Variants in ADGRV1 observed in about 807,000 individuals in gnomAD.
The protein encoded by ADGRV1 is G-protein coupled receptor 98.
In ADGRV1, 359 loss-of-function variants were observed where a neutral mutation model predicts 596.2. The observed-to-expected ratio is 0.60, with a 90% CI of 0.55 to 0.66. The LOEUF is 0.66. Ranked by LOEUF, ADGRV1 falls within the 30% of genes least tolerant of loss-of-function variation. ADGRV1 has a pLI of 0.00. For synonymous variants in ADGRV1, 2,681 were observed against 2,679.2 expected, an observed-to-expected ratio of 1.00 and a Z score of -0.02; for missense variants, 7,274 against 7,575.6, an observed-to-expected ratio of 0.96 and a Z score of 1.48.
At chr5:90,782,627 A>T (rs190109655) in intron 65 of ADGRV1, among the ~76,000 whole-genome samples, 177 of 152,296 alleles carry the variant, frequency 1.2e-3, no homozygotes, top group Non-Finnish European at 1.1e-3. Flanking sequence ...AGTAGATTTC[A>T]TAGGAACTGA....
intron 44 of ADGRV1, 21 bp from the exon 45 acceptor site, chr5:90,720,914 C>G (rs766874498): frequency 1.3e-5 from 20 of 1,591,046 alleles, no homozygotes; most frequent in Non-Finnish European, 1.7e-5. Context: ...CTGCTTCCCT[C>G]AATCCATGTA....
At chr5:90,706,594 C>T (rs1387551603) in intron 38 of ADGRV1, among the ~76,000 whole-genome samples, 200 bp downstream of exon 38, 1 of 151,884 alleles carries the variant, frequency 6.6e-6, no homozygotes, top group Non-Finnish European at 1.5e-5. Flanking sequence ...GAAGTAACTA[C>T]ATAGAAGGTA....
intron 84 of ADGRV1, among the ~76,000 whole-genome samples, chr5:90,969,992 G>A (rs12659201): frequency 0.49 from 74,344 of 151,808 alleles, 19,513 homozygotes; most frequent in East Asian, 0.68. Flanking sequence ...AAGGGGTGAC[G>A]GACAGTACCT....
intron 79 of ADGRV1, among the ~76,000 whole-genome samples, chr5:90,851,140 A>AT (rs1766472390): frequency 1.3e-5 from 1 of 79,776 alleles, no homozygotes; most frequent in African/African-American, 4.4e-5. Flanking sequence ...TGTGTGAGAG[A>AT]GAGAGAGAGA....
intron 17 of ADGRV1, among the ~76,000 whole-genome samples, chr5:90,650,088 C>T (rs923343941): frequency 2.6e-5 from 4 of 152,136 alleles, no homozygotes; most frequent in Non-Finnish European, 5.9e-5. Flanking sequence ...TCCTCCTTTT[C>T]GATGTCAAAA....
At chr5:90,722,211 T>G (rs1178364892) in intron 45 of ADGRV1, among the ~76,000 whole-genome samples, 1 of 151,816 alleles carries the variant, frequency 6.6e-6, no homozygotes, top group East Asian at 1.9e-4. Flanking sequence ...AGGTGTTGAG[T>G]ATGAAGGTGA....
chr5:90,928,065 T>A (rs1282586149), intron 83 of ADGRV1, among the ~76,000 whole-genome samples: 1 of 152,204 alleles, frequency 6.6e-6, no homozygotes, highest in Non-Finnish European at 1.5e-5. Context: ...GCCCTTAACA[T>A]TTTTTCCTTC....
chr5:90,780,338 A>G (rs1048450369), intron 64 of ADGRV1, among the ~76,000 whole-genome samples: 12 of 152,198 alleles, frequency 7.9e-5, no homozygotes, highest in African/African-American at 2.9e-4. Context: ...AGTTACTCTT[A>G]TCATTTAATA....
intron 1 of ADGRV1, among the ~76,000 whole-genome samples, chr5:90,593,574 A>C (rs1047798395): frequency 6.6e-6 from 1 of 152,058 alleles, no homozygotes; most frequent in African/African-American, 2.4e-5. Context: ...CATTGTGCAC[A>C]TGTACCCTAG....
chr5:90,821,087 G>A (rs375799025), intron 75 of ADGRV1, among the ~76,000 whole-genome samples: 1,589 of 151,982 alleles, frequency 0.01, 31 homozygotes, highest in African/African-American at 0.036. Context: ...TCACATAGTC[G>A]CATATTTCTT....
At chr5:90,598,171 A>G (rs551222898) in intron 1 of ADGRV1, among the ~76,000 whole-genome samples, 1 of 152,268 alleles carries the variant, frequency 6.6e-6, no homozygotes, top group South Asian at 2.1e-4. Context: ...AAATGCCTTG[A>G]TTTTCGTCAT....
rs551314401 is a variant in ADGRV1, at chr5:90,718,362, G to A, written c.9447+1633G>A. ...TTATATTTTATTGTATGTATATACC[G>A]TAATTTTTAAATCCAGCTATCTGTT... is the stretch of plus-strand genomic sequence containing the variant. On this transcript the variant is annotated intron_variant, in intron 43 of 89. Transcript: ENST00000405460. 11 of 152,194 alleles carry A rather than the reference G, an allele frequency of 7.2e-5. No homozygotes were observed. In the South Asian group the frequency reaches 1.4e-3, roughly 20 times the overall value. The allele number at this position is 152,194 out of a possible 1,614,324, so 9.4% of individuals were successfully genotyped here. A position where few individuals can be genotyped will look rare whatever the true frequency, so the allele number is the denominator to read the frequency against.
intron 82 of ADGRV1, among the ~76,000 whole-genome samples, chr5:90,859,159 C>T (rs377355836): frequency 7.2e-5 from 11 of 152,014 alleles, no homozygotes; most frequent in Admixed American, 4.6e-4. Context: ...GGCAAGTGGG[C>T]GCAGGAGTTC....
intron 85 of ADGRV1, among the ~76,000 whole-genome samples, chr5:91,018,501 TTGCTTTGGGTTCTTAGG>T (rs1367218172): frequency 6.6e-6 from 1 of 151,952 alleles, no homozygotes; most frequent in Non-Finnish European, 1.5e-5. Flanking sequence ...CAAGTAGTGT[TTGCTTTGGGTTCTTAGG>T]TGTGAAAGGC....
In ADGRV1 at chr5:91,150,206, C is replaced by T. The variant is rs537128877; in HGVS notation, c.18609C>T (p.Ile6203=). The stretch of plus-strand genomic sequence containing the variant: ...TCAGCAAGTCCACCCAGAATCTCAT[C>T]GGTGCTATGGAGGAGGTGTCTGCCC... ...GEISKSTQNL[I]GAMEEVPPDW... is the part of the protein sequence containing the mutation. The change falls in exon 88 of 90, where the codon ATC becomes ATT. Residue 6203 remains isoleucine, a synonymous_variant. Coordinates refer to ENST00000405460, the MANE Select transcript of ADGRV1 (RefSeq NM_032119.4). The T allele has an allele frequency of 1.2e-5, 19 of 1,583,454 alleles. No homozygotes were observed. The highest frequency in any genetic ancestry group is 4.1e-5 in the African/African-American group (3 of 73,622).
chr5:90,653,508 G>A lies in ADGRV1; in HGVS notation c.3934G>A (p.Val1312Met), dbSNP rs199552258. The change falls in exon 20 of 90, where the codon GTG becomes ATG. Residue 1312 changes from valine to methionine, a missense_variant. Val to Met is a conservative substitution (Grantham distance 21). Around this residue, in one of 5 missense-constraint regions of ADGRV1, gnomAD observed 1,715 missense variants for 1,708.8 expected, o/e 1.00. Transcript: ENST00000405460. ...FLLVGIFPTT[V>M]HLQQHMRRHH... ...ACTGGTTGGAATTTTCCCCACCACC[G>A]TGCATTTACAACAGCACATGCGGCG... 94 of 1,613,828 alleles carry A rather than the reference G, an allele frequency of 5.8e-5. No individual in the cohort carries two copies. The highest frequency in any genetic ancestry group is 2.7e-4 in the East Asian group (12 of 44,876).
chr5:90,785,405 G>A lies in ADGRV1; in HGVS notation c.13653+1348G>A, dbSNP rs185017188. 1.2e-3 allele frequency among the ~76,000 whole-genome samples: 181 copies of A among 152,318 alleles called. 1 individual carries two copies. Among genetic ancestry groups the A allele is most frequent in the African/African-American group, 4.0e-3 (168 of 41,558 alleles). Reference sequence around the variant, plus strand: ...GCAACAAAAGCCAAAATTGACAAATGGGATCTAATTAAACTAAAGAGCTTC... The same window carrying A: ...GCAACAAAAGCCAAAATTGACAAATAGGATCTAATTAAACTAAAGAGCTTC... On this transcript the variant is annotated intron_variant, in intron 67 of 89. Transcript: ENST00000405460.
chr5:90,881,473 A>G (rs1221713971), intron 83 of ADGRV1, among the ~76,000 whole-genome samples: 1 of 152,074 alleles, frequency 6.6e-6, no homozygotes, highest in African/African-American at 2.4e-5. Flanking sequence ...CTGATCACAA[A>G]TCTTCATTAG....
chr5:90,925,054 G>A (rs1179586674), intron 83 of ADGRV1, among the ~76,000 whole-genome samples: 4 of 152,086 alleles, frequency 2.6e-5, no homozygotes, highest in Non-Finnish European at 4.4e-5. Context: ...ATAGTTTGAA[G>A]TCAGGTAGTG....
Sources: gnomAD v4.1 joint callset for allele counts (sites outside exome capture counted in the v4.1 genomes callset) on GRCh38, gnomAD v4.1.1 for gene constraint, gnomAD v4.1.1 regional missense constraint, MANE v1.5 for transcripts, NCBI Gene and HGNC (gene_info 2026-07-23, HGNC 2026-07-21) for gene names.